APOB: variants seen among roughly 807,000 people sequenced by gnomAD.
APOB encodes the protein apolipoprotein B-100.
APOB carries 153 observed loss-of-function variants against 314.1 expected under a neutral mutation model. The ratio of observed to expected loss-of-function variants is 0.49; its 90% confidence interval spans 0.43 to 0.56. The LOEUF is 0.56. Among genes scored for constraint, APOB ranks in the 20% least tolerant of loss-of-function variants. The probability of loss-of-function intolerance (pLI) is 0.00; values close to 1 mark genes in which losing one functional copy is unlikely to be tolerated. For missense variants in APOB, 5,430 were observed against 5,350.7 expected (o/e 1.01, Z -0.46); for synonymous variants, 2,087 against 2,036.4 (o/e 1.02, Z -0.67).
chr2:21,027,564 C>A (rs147341999), intron 14 of APOB, among the ~76,000 whole-genome samples: 1,993 of 152,192 alleles, frequency 0.013, 40 homozygotes, highest in African/African-American at 0.046. Flanking sequence ...CCACCCGCCT[C>A]GGCCTCCCAA....
At chr2:21,016,720 C>T (rs529066664) in intron 20 of APOB, 71 bp from the exon 21 acceptor site, 204 of 1,000,060 alleles carry the variant, frequency 2.0e-4, no homozygotes, top group Non-Finnish European at 1.3e-4. Flanking sequence ...TGCGGTGGCT[C>T]ACACCTGTAA....
intron 18 of APOB, 40 bp from the exon 19 acceptor site, chr2:21,019,945 T>C: frequency 6.3e-7 from 1 of 1,597,286 alleles, no homozygotes; most frequent in Middle Eastern, 1.7e-4. Flanking sequence ...TGCCAAGTCA[T>C]GAATCAAAAT....
chr2:21,037,624 T>G (rs1664039661), intron 5 of APOB, among the ~76,000 whole-genome samples: 1 of 143,248 alleles, frequency 7.0e-6, no homozygotes, highest in East Asian at 2.1e-4. Context: ...CCCATTATTT[T>G]TGGTGTTTAA....
Position 21,010,438 on chromosome 2 carries a change from C to A in APOB, c.6430G>T (p.Ala2144Ser). Residue 2144 changes from alanine (A) to serine (S), a missense_variant, in exon 26 of 29, where the codon GCT becomes TCT. Physicochemically the swap from Ala to Ser is moderately conservative, Grantham distance 99. Coordinates refer to ENST00000233242, the MANE Select transcript of APOB (RefSeq NM_000384.3). ...QVSHAKEKLTALTKKYRITEN... is the reference protein window; with the variant it reads ...QVSHAKEKLTSLTKKYRITEN... The stretch of plus-strand genomic sequence containing the variant: ...GTAATTCTATACTTTTTTGTGAGAG[C>A]AGTCAGTTTCTCCTTGGCATGTGAA... The A allele has an allele frequency of 6.2e-7, 1 of 1,605,364 alleles. No individual in the cohort carries two copies. The highest frequency in any genetic ancestry group is 8.5e-7 in the Non-Finnish European group (1 of 1,174,426).
chr2:21,010,054 G>A lies in APOB; in HGVS notation c.6814C>T (p.His2272Tyr), dbSNP rs1663263823. The change falls in exon 26 of 29, where the codon CAC becomes TAC. Residue 2272 changes from histidine (H) to tyrosine (Y), a missense_variant. This residue lies in a region of APOB where 3,281 missense variants were observed against 3,171.0 expected (regional missense o/e 1.03). Coordinates refer to ENST00000233242, the MANE Select transcript of APOB (RefSeq NM_000384.3). ...TGCTGGATGTCTATATTCTGTATGT[G>A]TCTCTTAAGCTGCTGCAGTTTTTCT... is the stretch of plus-strand genomic sequence containing the variant. ...IQEKLQQLKRHIQNIDIQHLA... is the reference protein window; with the variant it reads ...IQEKLQQLKRYIQNIDIQHLA... 1 of 1,613,610 alleles carries A rather than the reference G, an allele frequency of 6.2e-7. No individual in the cohort carries two copies. Among genetic ancestry groups the A allele is most frequent in the Admixed American group, 1.7e-5 (1 of 60,028 alleles).
Position 21,023,563 on chromosome 2 carries a change from G to C in APOB, c.2566C>G (p.Pro856Ala). ...LQISSSGVIAPGAKAGVKLEV... is the reference protein window; with the variant it reads ...LQISSSGVIAAGAKAGVKLEV... Reference sequence around the variant, plus strand: ...AGTTTTACTCCAGCCTTGGCTCCGGGAGCAATGACTCCAGATGAAGATATT... The same window carrying C: ...AGTTTTACTCCAGCCTTGGCTCCGGCAGCAATGACTCCAGATGAAGATATT... The change falls in exon 17 of 29, where the codon CCC (proline) becomes GCC (alanine). Residue 856 changes from proline to alanine, a missense_variant. Physicochemically the swap from Pro to Ala is conservative, Grantham distance 27. Coordinates refer to ENST00000233242, the MANE Select transcript of APOB (RefSeq NM_000384.3). The C allele has an allele frequency of 6.2e-7, 1 of 1,614,122 alleles. No homozygotes were observed. Among genetic ancestry groups the C allele is most frequent in the Non-Finnish European group, 8.5e-7 (1 of 1,180,014 alleles).
Position 21,006,057 on chromosome 2 carries a change from G to A in APOB, c.10811C>T (p.Ala3604Val), listed in dbSNP as rs776815102. 1 of 1,613,902 alleles carries A rather than the reference G, an allele frequency of 6.2e-7. No homozygotes were observed. The highest frequency in any genetic ancestry group is 8.5e-7 in the Non-Finnish European group (1 of 1,179,960). ...WQMSALVQVH[A>V]SQPSSFHDFP... Reference sequence around the variant, plus strand: ...ATCATGGAAGGAACTGGGCTGACTTGCATGGACCTGAACAAGAGCTGACAT... The same window carrying A: ...ATCATGGAAGGAACTGGGCTGACTTACATGGACCTGAACAAGAGCTGACAT... Residue 3604 changes from alanine (A) to valine (V), a missense_variant, in exon 26 of 29, where the codon GCA (alanine) becomes GTA (valine). Transcript: ENST00000233242.
Position 21,038,019 on chromosome 2 carries a change from C to T in APOB, c.476G>A (p.Gly159Asp). The change falls in exon 5 of 29, where the codon GGC becomes GAC. Residue 159 changes from glycine to aspartate, a missense_variant. Physicochemically the swap from Gly to Asp is moderately conservative, Grantham distance 94. Transcript: ENST00000233242. Reference sequence around the variant, plus strand: ...GGGAACCAGGAGGGCAGAAATGATGCCCCTCTTGATGTTCAGGATGTAAGT... The same window carrying T: ...GGGAACCAGGAGGGCAGAAATGATGTCCCTCTTGATGTTCAGGATGTAAGT... ...EPTYILNIKR[G>D]IISALLVPPE... 3 of 1,614,190 alleles carry T rather than the reference C, an allele frequency of 1.9e-6. No homozygotes were observed. Among genetic ancestry groups the T allele is most frequent in the Non-Finnish European group, 2.5e-6 (3 of 1,180,026 alleles).
In APOB at chr2:21,023,632, C is replaced by G. The variant is rs775432239; in HGVS notation, c.2497G>C (p.Glu833Gln). The G allele has an allele frequency of 4.3e-6, 7 of 1,613,936 alleles. No individual in the cohort carries two copies. Among genetic ancestry groups the G allele is most frequent in the Non-Finnish European group, 3.4e-6 (4 of 1,179,936 alleles). ...NDFFLHYIFM[E>Q]NAFELPTGAG... ...CCAGTGGGGAGTTCAAAGGCATTCT[C>G]CATGAAGATGTAGTGAAGAAAAAAG... Residue 833 changes from glutamate to glutamine, a missense_variant, in exon 17 of 29, where the codon GAG (glutamate) becomes CAG (glutamine). Transcript: ENST00000233242.
In APOB at chr2:21,041,005, TGAA is replaced by T. The variant is rs1558577228; in HGVS notation, c.313_315del (p.Phe105del). The T allele has an allele frequency of 6.2e-7, 1 of 1,613,904 alleles. No individual in the cohort carries two copies. ...TTCAGCAAGGCTTTGCCCTCAGGGT[TGAA>T]GCCATACACCTCTTTCAGGGTGCAC... On this transcript the variant is annotated inframe_deletion, in exon 4 of 29. Transcript: ENST00000233242.
intron 2 of APOB, among the ~76,000 whole-genome samples, chr2:21,043,289 C>T (rs540089432): frequency 6.6e-6 from 1 of 152,200 alleles, no homozygotes; most frequent in East Asian, 1.9e-4. Context: ...CTTCCCTCCC[C>T]CGCCCCCAGG....
Position 21,002,575 on chromosome 2 carries a change from C to A in APOB, c.12847G>T (p.Val4283Leu). ...LKDLSKEAQEVFKAIQSLKTT... is the reference protein window; with the variant it reads ...LKDLSKEAQELFKAIQSLKTT... ...TTGAGAGACTGAATGGCTTTAAATA[C>A]CTCTTGGGCTTCTTTTGATAAATCT... is the stretch of plus-strand genomic sequence containing the variant. Residue 4283 changes from valine (V) to leucine (L), a missense_variant, in exon 29 of 29, where the codon GTA becomes TTA. This residue lies in a region of APOB where 3,281 missense variants were observed against 3,171.0 expected (regional missense o/e 1.03). Transcript: ENST00000233242. 1 of 1,613,990 alleles carries A rather than the reference C, an allele frequency of 6.2e-7. No homozygotes were observed. Among genetic ancestry groups the A allele is most frequent in the Non-Finnish European group, 8.5e-7 (1 of 1,179,934 alleles).
At chr2:21,023,380 T>A in intron 17 of APOB, 145 bp downstream of exon 17, 2 of 995,522 alleles carry the variant, frequency 2.0e-6, no homozygotes, top group Non-Finnish European at 3.1e-6. Context: ...AAGCTTGAAG[T>A]TTTTCATAAA....
At chr2:21,042,973 C>A (rs58458658) in intron 2 of APOB, among the ~76,000 whole-genome samples, 123 of 149,450 alleles carry the variant, frequency 8.2e-4, no homozygotes, top group African/African-American at 2.9e-3. Flanking sequence ...ATTTTCTGAA[C>A]AATTGAAGAA....
At chr2:21,025,758 G>C (rs1272368589) in intron 15 of APOB, among the ~76,000 whole-genome samples, 1 of 152,194 alleles carries the variant, frequency 6.6e-6, no homozygotes. Flanking sequence ...AGTTGAATGT[G>C]CATACAAGTC....
rs745457003 is a variant in APOB, at chr2:21,007,608, C to T, written c.9260G>A (p.Trp3087Ter). The change falls in exon 26 of 29, where the codon TGG becomes TAG. Residue 3087 changes from tryptophan to a stop codon, truncating the protein, a stop_gained. Coordinates refer to ENST00000233242, the MANE Select transcript of APOB (RefSeq NM_000384.3). LOFTEE classifies it high-confidence loss of function. The stretch of plus-strand genomic sequence containing the variant: ...CTGATTGAACCTAGCACTTACTTGC[C>T]AACTTGCTTGCTGGGCACTGGGACT... ...FLSPSAQQAS[W>*]QVSARFNQYK... is the part of the protein sequence containing the mutation. 5 of 1,614,026 alleles carry T rather than the reference C, an allele frequency of 3.1e-6. No homozygotes were observed. The highest frequency in any genetic ancestry group is 4.2e-6 in the Non-Finnish European group (5 of 1,179,946).
In APOB at chr2:21,026,973, G is replaced by C. The variant is rs766162511; in HGVS notation, c.2068-9C>G. The C allele has an allele frequency of 3.1e-6, 5 of 1,613,930 alleles. No homozygotes were observed. The highest frequency in any genetic ancestry group is 4.2e-6 in the Non-Finnish European group (5 of 1,179,978). ...TTTCCTTCCAAGCCAATCTGAGAAA[G>C]AAAATCAGACAAGAAAATGGCATCA... is the stretch of plus-strand genomic sequence containing the variant. On this transcript the variant is annotated splice_polypyrimidine_tract_variant and intron_variant, in intron 14 of 28. Coordinates refer to ENST00000233242, the MANE Select transcript of APOB (RefSeq NM_000384.3).
At position 21,016,560 on chromosome 2, in the gene APOB, C is replaced by T; in HGVS notation, c.3211G>A (p.Val1071Ile). ...SSEVQIPDFD[V>I]DLGTILRVND... Reference sequence around the variant, plus strand: ...ACTCTGAGGATTGTTCCGAGGTCAACATCAAAATCCGGAATTTGGACTTCA... The same window carrying T: ...ACTCTGAGGATTGTTCCGAGGTCAATATCAAAATCCGGAATTTGGACTTCA... The change falls in exon 21 of 29, where the codon GTT becomes ATT. Residue 1071 changes from valine to isoleucine, a missense_variant. Val to Ile is a conservative substitution (Grantham distance 29). Coordinates refer to ENST00000233242, the MANE Select transcript of APOB (RefSeq NM_000384.3). 6.2e-7 allele frequency: 1 copy of T among 1,609,594 alleles called. No individual in the cohort carries two copies. Among genetic ancestry groups the T allele is most frequent in the Non-Finnish European group, 8.5e-7 (1 of 1,175,878 alleles).
At chr2:21,021,455 G>C (rs1206698215) in intron 18 of APOB, among the ~76,000 whole-genome samples, 3 of 152,134 alleles carry the variant, frequency 2.0e-5, no homozygotes, top group Non-Finnish European at 4.4e-5. Flanking sequence ...TAGAGTCAGA[G>C]TATTTCTTCT....
Sources: allele counts gnomAD v4.1 joint callset (sites outside exome capture counted in the v4.1 genomes callset), GRCh38; gene constraint gnomAD v4.1.1; regional missense constraint gnomAD v4.1.1; transcripts MANE v1.5; gene names NCBI Gene and HGNC (gene_info 2026-07-23, HGNC 2026-07-21).